The following INSC variants were observed in gnomAD, a reference collection of about 807,000 sequenced individuals.
INSC encodes the protein INSC spindle orientation adaptor protein.
A neutral mutation model predicts 58.6 loss-of-function variants in INSC; 67 were observed. The observed-to-expected ratio is 1.14, with a 90% CI of 0.94 to 1.40. The LOEUF (loss-of-function observed/expected upper bound fraction) is 1.40, where lower values mean the gene tolerates loss of function less well. Among genes scored for constraint, INSC ranks in the 40% most tolerant of loss-of-function variants. The probability of loss-of-function intolerance (pLI) is 0.00; values close to 1 mark genes in which losing one functional copy is unlikely to be tolerated. For synonymous variants in INSC, 262 were observed against 276.1 expected (o/e 0.95, Z 0.51); for missense variants, 714 against 692.0 (o/e 1.03, Z -0.36).
intron 7 of INSC, among the ~76,000 whole-genome samples, chr11:15,218,695 A>ACTCCAC (rs2133924417): frequency 6.6e-6 from 1 of 152,204 alleles, no homozygotes; most frequent in African/African-American, 2.4e-5. Flanking sequence ...TGTATAAGCA[A>ACTCCAC]CTCCACACAT....
At chr11:15,268,209 G>A in the INSC span, among the ~76,000 whole-genome samples, 1 of 152,016 alleles carries the variant, frequency 6.6e-6, no homozygotes, top group African/African-American at 2.4e-5. Flanking sequence ...ATTTTTCCAA[G>A]ATTTCAATTG....
At position 15,136,978 on chromosome 11, in the gene INSC, T is replaced by C. The variant is rs11023450; in HGVS notation, c.-45-12152T>C. Among the ~76,000 whole-genome samples the C allele has an allele frequency of 6.1e-3, 929 of 152,340 alleles. 46 individuals carry two copies. The East Asian group carries it at 0.13, about 21-fold the overall frequency. The stretch of plus-strand genomic sequence containing the variant: ...GGCAGCTACAGCCTTACAAAATGTA[T>C]TTCTTAAATAATAAGACTTGAAAGT... On this transcript the variant is annotated intron_variant, in intron 1 of 12. Transcript: ENST00000379556.
chr11:15,225,782 C>T lies in INSC; in HGVS notation c.1124C>T (p.Ala375Val). 2.5e-6 allele frequency: 4 copies of T among 1,613,892 alleles called. No individual in the cohort carries two copies. Among genetic ancestry groups the T allele is most frequent in the Non-Finnish European group, 3.4e-6 (4 of 1,179,924 alleles). Reference sequence around the variant, plus strand: ...AATGCCATCCGTGTTCTCCTGGAAGCCTGCAGTGACAAGCAGAGAGTGGAC... The same window carrying T: ...AATGCCATCCGTGTTCTCCTGGAAGTCTGCAGTGACAAGCAGAGAGTGGAC... The part of the protein sequence containing the change: ...QLNAIRVLLE[A>V]CSDKQRVDTP... The change falls in exon 9 of 13, where the codon GCC (alanine) becomes GTC (valine). Residue 375 changes from alanine to valine, a missense_variant. By Grantham distance (64) the Ala-to-Val change is moderately conservative. Transcript: ENST00000379556.
chr11:15,146,736 C>T (rs1231310663), intron 1 of INSC, among the ~76,000 whole-genome samples: 13 of 152,166 alleles, frequency 8.5e-5, no homozygotes, highest in Admixed American at 5.9e-4. Context: ...GTTCACAGGT[C>T]GGTGATCCAG....
At chr11:15,212,988 G>A (rs777882835) in intron 7 of INSC, among the ~76,000 whole-genome samples, 4 of 152,106 alleles carry the variant, frequency 2.6e-5, no homozygotes, top group Non-Finnish European at 5.9e-5. Context: ...TTAAAAATGA[G>A]GCTCATAGAA....
intron 9 of INSC, among the ~76,000 whole-genome samples, chr11:15,231,208 A>G (rs751336797): frequency 2.0e-5 from 3 of 152,206 alleles, no homozygotes; most frequent in South Asian, 2.1e-4. Flanking sequence ...CTACAGATCA[A>G]TGTCCTTGTC....
At chr11:15,219,142 C>A (rs1851339179) in intron 7 of INSC, among the ~76,000 whole-genome samples, 1 of 152,080 alleles carries the variant, frequency 6.6e-6, no homozygotes, top group Non-Finnish European at 1.5e-5. Flanking sequence ...ATTCTCAAGC[C>A]TCTCTGGCAA....
chr11:15,172,745 G>A (rs1849442820), intron 2 of INSC, among the ~76,000 whole-genome samples: 1 of 152,198 alleles, frequency 6.6e-6, no homozygotes, highest in African/African-American at 2.4e-5. Context: ...GGGAAATGGG[G>A]AGGTTGAATT....
At chr11:15,116,732 C>T (rs2133673057) in intron 1 of INSC, among the ~76,000 whole-genome samples, 1 of 150,698 alleles carries the variant, frequency 6.6e-6, no homozygotes, top group East Asian at 2.0e-4. Context: ...CCTTCCTTCT[C>T]TTTCTCTCTT....
intron 1 of INSC, among the ~76,000 whole-genome samples, chr11:15,122,840 C>G (rs1847905212): frequency 1.3e-5 from 2 of 152,192 alleles, no homozygotes; most frequent in Non-Finnish European, 2.9e-5. Context: ...ACACAGCAGC[C>G]AGAGCGCATT....
At chr11:15,112,395 T>C (rs75659794), upstream of INSC, 202 of 1,283,740 alleles carry the variant, frequency 1.6e-4, 1 homozygote, top group East Asian at 4.6e-3. Context: ...CCCAGAAGGG[T>C]GGGCAAAGGG....
the INSC span, among the ~76,000 whole-genome samples, chr11:15,260,174 G>GT: frequency 6.2e-3 from 943 of 151,164 alleles, 8 homozygotes; most frequent in African/African-American, 0.019. Context: ...TCTGTTTTTT[G>GT]TTTTTTTTGT....
intron 1 of INSC, among the ~76,000 whole-genome samples, chr11:15,126,614 G>C (rs1191209747): frequency 1.3e-5 from 2 of 152,232 alleles, no homozygotes; most frequent in African/African-American, 2.4e-5. Context: ...AGGCACTATA[G>C]AACACTTGTT....
the INSC span, among the ~76,000 whole-genome samples, chr11:15,262,825 C>T: frequency 6.6e-6 from 1 of 151,770 alleles, no homozygotes; most frequent in East Asian, 1.9e-4. Flanking sequence ...GAACTCAGTC[C>T]AAAATACCAG....
At chr11:15,267,929 G>C in the INSC span, among the ~76,000 whole-genome samples, 5 of 151,904 alleles carry the variant, frequency 3.3e-5, no homozygotes, top group Non-Finnish European at 5.9e-5. Flanking sequence ...AATCTTCAGA[G>C]CTCTCTCTCT....
intron 6 of INSC, among the ~76,000 whole-genome samples, chr11:15,193,961 C>T (rs1337780216): frequency 1.3e-5 from 2 of 152,118 alleles, no homozygotes; most frequent in African/African-American, 4.8e-5. Flanking sequence ...TCCCACCAAA[C>T]CAAAATGAAG....
chr11:15,125,960 A>G (rs1847985335), intron 1 of INSC, among the ~76,000 whole-genome samples: 1 of 152,144 alleles, frequency 6.6e-6, no homozygotes, highest in Non-Finnish European at 1.5e-5. Flanking sequence ...TCTGAAGAAT[A>G]ACGGGAAAGT....
At chr11:15,161,732 C>T (rs768999879) in intron 2 of INSC, among the ~76,000 whole-genome samples, 24 of 152,264 alleles carry the variant, frequency 1.6e-4, no homozygotes, top group African/African-American at 3.4e-4. Context: ...CCGCCACTTA[C>T]GTAAAAGCCC....
chr11:15,254,198 T>C, the INSC span, among the ~76,000 whole-genome samples: 1 of 152,156 alleles, frequency 6.6e-6, no homozygotes, highest in Non-Finnish European at 1.5e-5. Flanking sequence ...AAGTTAATAC[T>C]GTTGTGGGAT....
Sources: allele counts gnomAD v4.1 joint callset (sites outside exome capture counted in the v4.1 genomes callset), GRCh38; gene constraint gnomAD v4.1.1; transcripts MANE v1.5; gene names NCBI Gene and HGNC (gene_info 2026-07-23, HGNC 2026-07-21).